The following DPP10 variants were observed in gnomAD, a reference collection of about 807,000 sequenced individuals.
The protein encoded by DPP10 is inactive dipeptidyl peptidase 10.
In DPP10, 33 loss-of-function variants were observed where a neutral mutation model predicts 120.9. The observed-to-expected ratio is 0.27, with a 90% confidence interval of 0.21 to 0.37. The LOEUF is 0.37. Ranked by LOEUF, DPP10 falls within the 10% of genes least tolerant of loss-of-function variation. DPP10 has a pLI of 1.00. For synonymous variants in DPP10, 337 were observed against 326.1 expected (o/e 1.03, Z -0.36); for missense variants, 816 against 942.8 (o/e 0.87, Z 1.76).
chr2:115,153,581 G>T (rs917596826), intron 1 of DPP10, among the ~76,000 whole-genome samples: 1 of 152,048 alleles, frequency 6.6e-6, no homozygotes, highest in African/African-American at 2.4e-5. Context: ...TGTAAATGTT[G>T]TACATTTGGT....
intron 3 of DPP10, among the ~76,000 whole-genome samples, chr2:115,374,002 C>G (rs1403239783): frequency 6.6e-6 from 1 of 152,016 alleles, no homozygotes; most frequent in Admixed American, 6.6e-5. Flanking sequence ...CCCCCATGTT[C>G]CAGTCACCTC....
intron 1 of DPP10, among the ~76,000 whole-genome samples, chr2:114,964,849 A>G (rs1346629429): frequency 6.6e-6 from 1 of 152,222 alleles, no homozygotes; most frequent in Non-Finnish European, 1.5e-5. Flanking sequence ...GATGGTTAAA[A>G]CTGGGCTCCT....
At position 115,287,488 on chromosome 2, in the gene DPP10, ATG is replaced by A. The variant is rs543831994; in HGVS notation, c.61-21749_61-21748del. Among the ~76,000 whole-genome samples the A allele has an allele frequency of 3.3e-5, 5 of 152,028 alleles. No individual in the cohort carries two copies. In the South Asian group the frequency reaches 1.0e-3, roughly 32 times the overall value. ...AGTCTCTAATGTTCATTATACTACT[ATG>A]TCTGCCTTTGTGTACCCATAGCTTA... On this transcript the variant is annotated intron_variant, in intron 1 of 25. Transcript: ENST00000410059.
intron 1 of DPP10, among the ~76,000 whole-genome samples, chr2:115,107,649 G>A (rs1029671470): frequency 6.6e-6 from 1 of 151,896 alleles, no homozygotes; most frequent in South Asian, 2.1e-4. Context: ...TTTACATCAC[G>A]AGTATCTTAT....
chr2:114,567,445 G>T (rs943303892), intron 1 of DPP10, among the ~76,000 whole-genome samples: 1 of 152,070 alleles, frequency 6.6e-6, no homozygotes, highest in Non-Finnish European at 1.5e-5. Flanking sequence ...TAAGAGGGAG[G>T]CAAGAAGTCA....
intron 1 of DPP10, among the ~76,000 whole-genome samples, chr2:115,227,065 C>G (rs1029876682): frequency 6.6e-6 from 1 of 152,098 alleles, no homozygotes; most frequent in Non-Finnish European, 1.5e-5. Context: ...AGGTTGTTCT[C>G]TTAGGCTAAA....
intron 1 of DPP10, among the ~76,000 whole-genome samples, chr2:114,796,398 A>G (rs1052619109): frequency 3.9e-5 from 6 of 152,098 alleles, no homozygotes; most frequent in Non-Finnish European, 7.4e-5. Context: ...ACTGTACTGT[A>G]AGTCTATTTT....
chr2:114,743,230 A>T (rs1225223670), intron 1 of DPP10, among the ~76,000 whole-genome samples: 1 of 152,162 alleles, frequency 6.6e-6, no homozygotes, highest in Non-Finnish European at 1.5e-5. Flanking sequence ...GGCTTTCAAC[A>T]TTTATAATTA....
intron 1 of DPP10, among the ~76,000 whole-genome samples, chr2:115,239,306 G>A (rs2058153410): frequency 6.6e-6 from 1 of 152,128 alleles, no homozygotes; most frequent in Non-Finnish European, 1.5e-5. Flanking sequence ...CTATCAAACA[G>A]CATCACATGC....
intron 17 of DPP10, among the ~76,000 whole-genome samples, chr2:115,789,317 A>C (rs1241502456): frequency 6.6e-6 from 1 of 152,224 alleles, no homozygotes; most frequent in Non-Finnish European, 1.5e-5. Flanking sequence ...TTACCCAAAG[A>C]TTCTGTGTTT....
intron 1 of DPP10, among the ~76,000 whole-genome samples, chr2:115,246,143 CT>C (rs911373460): frequency 1.3e-4 from 20 of 152,054 alleles, no homozygotes; most frequent in Non-Finnish European, 2.2e-4. Flanking sequence ...TCACTGTATA[CT>C]TTTTTGGGGT....
intron 3 of DPP10, among the ~76,000 whole-genome samples, chr2:115,383,420 C>T (rs1235525346): frequency 1.3e-5 from 2 of 152,198 alleles, no homozygotes; most frequent in Admixed American, 1.3e-4. Flanking sequence ...ACTGTGCATG[C>T]ATTAAACCTC....
chr2:115,797,315 C>A (rs1189327936), intron 19 of DPP10, among the ~76,000 whole-genome samples: 1 of 151,934 alleles, frequency 6.6e-6, no homozygotes, highest in Admixed American at 6.6e-5. Flanking sequence ...AGGGTTTTCG[C>A]AGATCAGATT....
At chr2:114,657,522 A>G (rs546207194) in intron 1 of DPP10, among the ~76,000 whole-genome samples, 2 of 152,312 alleles carry the variant, frequency 1.3e-5, no homozygotes, top group East Asian at 3.9e-4. Flanking sequence ...TCTTTTCTCT[A>G]TAATTTAAAG....
Position 115,780,926 on chromosome 2 carries a change from A to C in DPP10, c.1414A>C (p.Lys472Gln). 6.2e-7 allele frequency: 1 copy of C among 1,604,926 alleles called. No homozygotes were observed. The highest frequency in any genetic ancestry group is 8.5e-7 in the Non-Finnish European group (1 of 1,174,028). ...NRQCISCNFM[K>Q]EQCTYFDASF... ...CCAATGCATTTCATGTAATTTCATG[A>C]AAGAACAATGTACATATTTTGATGC... is the stretch of plus-strand genomic sequence containing the variant. Residue 472 changes from lysine to glutamine, a missense_variant, in exon 16 of 26, where the codon AAA becomes CAA. Lys to Gln is a moderately conservative substitution (Grantham distance 53). Transcript: ENST00000410059.
chr2:115,496,924 T>C (rs2076425466), intron 3 of DPP10, among the ~76,000 whole-genome samples: 1 of 151,690 alleles, frequency 6.6e-6, no homozygotes, highest in Non-Finnish European at 1.5e-5. Context: ...TGCTGATTGG[T>C]TGGGGGGGAT....
intron 1 of DPP10, among the ~76,000 whole-genome samples, chr2:114,725,892 A>G (rs1343896004): frequency 6.6e-5 from 10 of 152,196 alleles, no homozygotes; most frequent in Non-Finnish European, 5.9e-5. Context: ...AAAACATTTT[A>G]GAGACCCAAT....
intron 1 of DPP10, among the ~76,000 whole-genome samples, chr2:114,928,944 C>T (rs949984387): frequency 2.0e-5 from 3 of 152,126 alleles, no homozygotes; most frequent in South Asian, 2.1e-4. Flanking sequence ...GGGAACCAGC[C>T]CCCAATATTT....
At chr2:115,035,575 A>G (rs1006333879) in intron 1 of DPP10, among the ~76,000 whole-genome samples, 7 of 152,176 alleles carry the variant, frequency 4.6e-5, no homozygotes, top group African/African-American at 1.7e-4. Flanking sequence ...CAATTCTTAC[A>G]TTTCACTTTC....
Sources: allele counts gnomAD v4.1 joint callset (sites outside exome capture counted in the v4.1 genomes callset), GRCh38; gene constraint gnomAD v4.1.1; transcripts MANE v1.5; gene names NCBI Gene and HGNC (gene_info 2026-07-23, HGNC 2026-07-21).